Variants in RANBP17 observed in about 807,000 individuals in gnomAD.
RANBP17 encodes ran-binding protein 17.
In RANBP17, 158 loss-of-function variants were observed where a neutral mutation model predicts 141.2. The observed-to-expected ratio is 1.12, with a 90% CI of 0.98 to 1.28. RANBP17 has a LOEUF of 1.28. Among genes scored for constraint, RANBP17 ranks in the 50% most tolerant of loss-of-function variants. RANBP17 has a pLI of 0.00. For synonymous variants in RANBP17, 430 were observed against 450.0 expected (o/e 0.96, Z 0.56); for missense variants, 1,438 against 1,290.7 (o/e 1.11, Z -1.75).
chr5:170,942,954 T>G (rs190469559), intron 12 of RANBP17, among the ~76,000 whole-genome samples: 24 of 152,318 alleles, frequency 1.6e-4, no homozygotes, highest in Admixed American at 1.0e-3. Context: ...TTTGTTAATA[T>G]AAACCGAAGG....
intron 14 of RANBP17, among the ~76,000 whole-genome samples, chr5:171,122,819 C>T (rs1335482961): frequency 1.3e-5 from 2 of 152,176 alleles, no homozygotes; most frequent in African/African-American, 4.8e-5. Flanking sequence ...TTTGGGAGCC[C>T]AGCCACTGCC....
intron 5 of RANBP17, among the ~76,000 whole-genome samples, chr5:170,897,805 A>G (rs986031741): frequency 1.2e-4 from 18 of 152,142 alleles, no homozygotes; most frequent in African/African-American, 3.9e-4. Flanking sequence ...TATCCAGTCT[A>G]TCATTGATGG....
intron 14 of RANBP17, among the ~76,000 whole-genome samples, chr5:171,045,363 C>T (rs1403133091): frequency 6.6e-6 from 1 of 151,996 alleles, no homozygotes; most frequent in East Asian, 1.9e-4. Context: ...AAGCCAGTGA[C>T]TCATTAGTTT....
chr5:171,261,054 G>C (rs554356747), intron 24 of RANBP17, among the ~76,000 whole-genome samples: 2 of 137,400 alleles, frequency 1.5e-5, no homozygotes, highest in African/African-American at 5.5e-5. Flanking sequence ...TTAGAACTTA[G>C]AGATTTTACA....
At chr5:171,290,689 G>A (rs542589838) in intron 25 of RANBP17, among the ~76,000 whole-genome samples, 1 of 152,318 alleles carries the variant, frequency 6.6e-6, no homozygotes, top group African/African-American at 2.4e-5. Context: ...TATTTTGGTT[G>A]TATATGTGTC....
At chr5:171,132,805 T>G (rs574546739) in intron 14 of RANBP17, among the ~76,000 whole-genome samples, 2 of 152,320 alleles carry the variant, frequency 1.3e-5, no homozygotes, top group African/African-American at 4.8e-5. Flanking sequence ...ACTCTGATTT[T>G]CTAAGCTATA....
chr5:171,281,760 G>T (rs1309077055), intron 25 of RANBP17, among the ~76,000 whole-genome samples: 2 of 152,186 alleles, frequency 1.3e-5, no homozygotes, highest in Non-Finnish European at 2.9e-5. Context: ...GCTAATAATA[G>T]AATATTATTG....
intron 14 of RANBP17, among the ~76,000 whole-genome samples, chr5:171,167,613 T>A (rs559799119): frequency 2.0e-5 from 3 of 152,280 alleles, no homozygotes; most frequent in Admixed American, 2.0e-4. Flanking sequence ...GTAAAGCTAG[T>A]TTAAACATAC....
intron 24 of RANBP17, 74 bp from the exon 25 acceptor site, chr5:171,265,607 A>C (rs1766618233): frequency 7.8e-7 from 1 of 1,286,588 alleles, no homozygotes; most frequent in African/African-American, 1.5e-5. Context: ...ATTATTTTTA[A>C]TGGAGCCGTT....
At chr5:170,899,475 T>C (rs1175005701) in intron 5 of RANBP17, among the ~76,000 whole-genome samples, 1 of 152,260 alleles carries the variant, frequency 6.6e-6, no homozygotes, top group African/African-American at 2.4e-5. Flanking sequence ...CAGAGACAGT[T>C]TGACTTCCTA....
chr5:171,154,539 C>G (rs1758721126), intron 14 of RANBP17, among the ~76,000 whole-genome samples: 1 of 152,162 alleles, frequency 6.6e-6, no homozygotes, highest in African/African-American at 2.4e-5. Flanking sequence ...CTTGGCCTCC[C>G]AAAATGCTGG....
At chr5:171,261,416 T>C (rs1766322140) in intron 24 of RANBP17, among the ~76,000 whole-genome samples, 1 of 152,208 alleles carries the variant, frequency 6.6e-6, no homozygotes. Flanking sequence ...AGACTATATT[T>C]TTCTAAGACC....
At chr5:171,234,108 G>C (rs992234175) in intron 22 of RANBP17, among the ~76,000 whole-genome samples, 8 of 152,012 alleles carry the variant, frequency 5.3e-5, no homozygotes, top group Middle Eastern at 3.2e-3. Context: ...TTAGGGACAT[G>C]TTGCATTATT....
rs1473427423 is a variant in RANBP17 at position 171,242,579 on chromosome 5, A to G, written c.2638-103A>G. The G allele has an allele frequency of 6.5e-6, 8 of 1,229,124 alleles. No homozygotes were observed. In the South Asian group the frequency reaches 7.9e-5, roughly 12 times the overall value. The allele number at this position is 1,229,124 out of a possible 1,614,324, so 76.1% of individuals were successfully genotyped here. ...ATATATTTATTGACCTTGTGTTTAA[A>G]TAAGTTTACAATTTCCAGTATTATA... On this transcript the variant is annotated intron_variant, in intron 23 of 27. Transcript: ENST00000523189.
At chr5:170,957,111 G>A (rs910585726) in intron 13 of RANBP17, among the ~76,000 whole-genome samples, 21 of 90,560 alleles carry the variant, frequency 2.3e-4, no homozygotes, top group Admixed American at 1.0e-3. Context: ...ACACACACGC[G>A]CACACTGCCA....
intron 14 of RANBP17, among the ~76,000 whole-genome samples, chr5:170,984,900 T>C (rs779718668): frequency 6.6e-6 from 1 of 152,190 alleles, no homozygotes; most frequent in Non-Finnish European, 1.5e-5. Context: ...CCATTTTAAT[T>C]TTTAATCCAA....
At chr5:171,220,653 G>A (rs1763501907) in intron 21 of RANBP17, among the ~76,000 whole-genome samples, 1 of 151,866 alleles carries the variant, frequency 6.6e-6, no homozygotes, top group Non-Finnish European at 1.5e-5. Context: ...TCGCCATATT[G>A]GCCAGGCTGG....
chr5:171,215,055 GC>G (rs1763134955), intron 21 of RANBP17, among the ~76,000 whole-genome samples: 3 of 138,728 alleles, frequency 2.2e-5, no homozygotes, highest in African/African-American at 5.4e-5. Flanking sequence ...CCATCCCCTT[GC>G]CCCCCATCCC....
chr5:171,056,800 G>A (rs1166145112), intron 14 of RANBP17, among the ~76,000 whole-genome samples: 1 of 78,904 alleles, frequency 1.3e-5, no homozygotes, highest in Admixed American at 1.3e-4. Flanking sequence ...AGAAGTCATT[G>A]ATTTAGCCAA....
Sources: allele counts gnomAD v4.1 joint callset (sites outside exome capture counted in the v4.1 genomes callset), GRCh38; gene constraint gnomAD v4.1.1; transcripts MANE v1.5; gene names NCBI Gene and HGNC (gene_info 2026-07-23, HGNC 2026-07-21).